The following DPYSL5 variants were observed in gnomAD, a reference collection of about 807,000 sequenced individuals.
DPYSL5 encodes the protein dihydropyrimidinase like 5.
DPYSL5 carries 9 observed loss-of-function variants against 58.4 expected under a neutral mutation model. The ratio of observed to expected loss-of-function variants is 0.15; its 90% CI spans 0.09 to 0.27. DPYSL5 has a LOEUF of 0.27. DPYSL5 is among the 10% of genes least tolerant of loss of function. The pLI, the probability that DPYSL5 is intolerant of heterozygous loss-of-function variation, is 1.00. For missense variants in DPYSL5, 499 were observed against 770.6 expected, an observed-to-expected ratio of 0.65 and a Z score of 4.17; for synonymous variants, 293 against 301.9, an observed-to-expected ratio of 0.97 and a Z score of 0.31.
chr2:26,875,453 A>C (rs1663387701), intron 1 of DPYSL5, among the ~76,000 whole-genome samples: 1 of 152,238 alleles, frequency 6.6e-6, no homozygotes, highest in South Asian at 2.1e-4. Flanking sequence ...CTCCCTGAGG[A>C]AGGTGATGGG....
intron 2 of DPYSL5, among the ~76,000 whole-genome samples, chr2:26,900,350 T>C (rs866106113): frequency 1.5e-4 from 23 of 152,256 alleles, no homozygotes; most frequent in African/African-American, 5.3e-4. Context: ...TGGTTTTGTC[T>C]ATGTAGATGA....
intron 1 of DPYSL5, among the ~76,000 whole-genome samples, chr2:26,882,652 G>A (rs898291788): frequency 6.6e-6 from 1 of 152,120 alleles, no homozygotes; most frequent in Non-Finnish European, 1.5e-5. Context: ...TATAATCCCA[G>A]CACTTTGGGA....
chr2:26,931,177 G>A (rs1442082019), intron 5 of DPYSL5, among the ~76,000 whole-genome samples: 1 of 66,722 alleles, frequency 1.5e-5, no homozygotes, highest in Admixed American at 1.3e-4. Flanking sequence ...ATATGTGTGT[G>A]TGTGTGTGTG....
rs574789259 is a variant in DPYSL5 at position 26,860,173 on chromosome 2, T to C, written c.-5+11919T>C. 7.2e-5 allele frequency among the ~76,000 whole-genome samples: 11 copies of C among 152,338 alleles called. No homozygotes were observed. In the South Asian group the frequency reaches 2.3e-3, roughly 32 times the overall value. ...GAGTGTGGTAAGTGCTAAGTGGAGC[T>C]AATGGTATTGTCCAGATGCTAAATT... On this transcript the variant is annotated intron_variant, in intron 1 of 12. Transcript: ENST00000288699.
rs933445495 is a variant in DPYSL5, at chr2:26,927,153, G to C, written c.421-100G>C. 1 of 1,284,386 alleles carries C rather than the reference G, an allele frequency of 7.8e-7. No individual in the cohort carries two copies. The highest frequency in any genetic ancestry group is 1.5e-5 in the African/African-American group (1 of 67,176). The allele number at this position is 1,284,386 out of a possible 1,614,324, so 79.6% of individuals were successfully genotyped here. A position where few individuals can be genotyped will look rare whatever the true frequency, so the allele number is the denominator to read the frequency against. ...GGGGGGTCAACCGACAGACTGAGCT[G>C]GGGCAGGCCCCACATCTCCCCCATG... is the stretch of plus-strand genomic sequence containing the variant. On this transcript the variant is annotated intron_variant, in intron 3 of 12. Transcript: ENST00000288699. The surrounding 1 kb of genome is among the most constrained non-coding windows in gnomAD (Gnocchi z 4.3).
chr2:26,874,154 A>G (rs918126656), intron 1 of DPYSL5, among the ~76,000 whole-genome samples: 2 of 152,114 alleles, frequency 1.3e-5, no homozygotes, highest in African/African-American at 4.8e-5. Flanking sequence ...AATTATCTTT[A>G]TATTCTGGAT....
rs1194488415 is a variant in DPYSL5 at position 26,849,221 on chromosome 2, TG to T, written c.-5+971del. Among the ~76,000 whole-genome samples, 3 of 127,908 alleles carry T rather than the reference TG, an allele frequency of 2.3e-5. No homozygotes were observed. The highest frequency in any genetic ancestry group is 2.3e-4 in the Admixed American group (3 of 12,900). 83.9% of individuals were successfully genotyped at this position (127,908 alleles called of 152,430 possible). ...CGGCGAGGCTGGTTCTGCTGAAGAATGGGGAGGGGAGGAGGGATGCAGGCGG... is the reference window on the plus strand; with the variant it reads ...CGGCGAGGCTGGTTCTGCTGAAGAATGGGAGGGGAGGAGGGATGCAGGCGG... On this transcript the variant is annotated intron_variant, in intron 1 of 12. Transcript: ENST00000288699. The surrounding 1 kb of genome is among the most constrained non-coding windows in gnomAD (Gnocchi z 6.2).
At chr2:26,860,018 G>A (rs921258492) in intron 1 of DPYSL5, among the ~76,000 whole-genome samples, 1 of 152,106 alleles carries the variant, frequency 6.6e-6, no homozygotes, top group Admixed American at 6.6e-5. Context: ...TACTTCCTAG[G>A]CACGAGAGAT....
chr2:26,911,791 G>A (rs1339602540), intron 2 of DPYSL5, among the ~76,000 whole-genome samples: 1 of 152,142 alleles, frequency 6.6e-6, no homozygotes, highest in Admixed American at 6.5e-5. Context: ...GGCCTGGGCT[G>A]GAGCTTCTCT....
In DPYSL5 at chr2:26,949,267, G is replaced by T. The variant is rs921263872; in HGVS notation, c.*2272G>T. 3.9e-5 allele frequency: 6 copies of T among 152,194 alleles called. No individual in the cohort carries two copies. Among genetic ancestry groups the T allele is most frequent in the African/African-American group, 1.4e-4 (6 of 41,428 alleles). The allele number at this position is 152,194 out of a possible 1,614,324, so 9.4% of individuals were successfully genotyped here. ...TGAGCCAAGACTAGTCACCCATTGG[G>T]GGCTAACCGTGCAGTGTGAGCTGCG... On this transcript the variant is annotated 3_prime_UTR_variant, in exon 13 of 13. Transcript: ENST00000288699.
intron 1 of DPYSL5, among the ~76,000 whole-genome samples, chr2:26,862,331 C>G (rs1666036631): frequency 6.6e-6 from 1 of 152,224 alleles, no homozygotes; most frequent in African/African-American, 2.4e-5. Context: ...ATTTATTTCT[C>G]TTTCTTTTCG....
At position 26,914,354 on chromosome 2, in the gene DPYSL5, C is replaced by T. The variant is rs770632638; in HGVS notation, c.262-10533C>T. Among the ~76,000 whole-genome samples, 11 of 152,340 alleles carry T rather than the reference C, an allele frequency of 7.2e-5. No individual in the cohort carries two copies. In the East Asian group the frequency reaches 1.5e-3, roughly 21 times the overall value. ...CATCCAAGAGCCTTCTATAAGGGAG[C>T]GCCCCCTTGCTGCTTTGAAGCCCTC... On this transcript the variant is annotated intron_variant, in intron 2 of 12. Transcript: ENST00000288699.
At chr2:26,913,715 C>A (rs1269052646) in intron 2 of DPYSL5, among the ~76,000 whole-genome samples, 2 of 152,136 alleles carry the variant, frequency 1.3e-5, no homozygotes, top group Non-Finnish European at 2.9e-5. Context: ...AACCCAGGAG[C>A]TAATGCCACA....
chr2:26,873,802 G>T (rs913082179), intron 1 of DPYSL5, among the ~76,000 whole-genome samples: 1 of 152,150 alleles, frequency 6.6e-6, no homozygotes, highest in African/African-American at 2.4e-5. Flanking sequence ...GTGAGGGGTG[G>T]ATCTTCTTTA....
At chr2:26,946,853 G>A in intron 12 of DPYSL5, 57 bp from the exon 13 acceptor site, 1 of 1,417,664 alleles carries the variant, frequency 7.1e-7, no homozygotes, top group South Asian at 1.2e-5. Flanking sequence ...GAGGGTGTCT[G>A]TGGTTTGTTA....
chr2:26,903,087 T>C (rs527611357), intron 2 of DPYSL5, among the ~76,000 whole-genome samples: 417 of 152,086 alleles, frequency 2.7e-3, no homozygotes, highest in African/African-American at 9.6e-3. Context: ...TTTTCTTTTT[T>C]GAAATGAAGT....
At chr2:26,917,629 G>C (rs966010825) in intron 2 of DPYSL5, among the ~76,000 whole-genome samples, 3 of 152,154 alleles carry the variant, frequency 2.0e-5, no homozygotes, top group Admixed American at 1.3e-4. Flanking sequence ...AAGTGGTCAG[G>C]TGTCCTCAGC....
intron 2 of DPYSL5, among the ~76,000 whole-genome samples, chr2:26,913,104 C>T (rs1305640037): frequency 2.0e-5 from 3 of 152,114 alleles, no homozygotes; most frequent in South Asian, 2.1e-4. Context: ...TAAAATTTAC[C>T]GTTTTGACTG....
chr2:26,883,322 A>G (rs773004232), intron 1 of DPYSL5, among the ~76,000 whole-genome samples: 9 of 152,056 alleles, frequency 5.9e-5, no homozygotes, highest in Non-Finnish European at 1.0e-4. Flanking sequence ...ATGCCTACGT[A>G]CTATAATTCC....
Sources: gnomAD v4.1 joint callset for allele counts (sites outside exome capture counted in the v4.1 genomes callset) on GRCh38, gnomAD v4.1.1 for gene constraint, Gnocchi (gnomAD v3.1) non-coding constraint, MANE v1.5 for transcripts, NCBI Gene and HGNC (gene_info 2026-07-23, HGNC 2026-07-21) for gene names.